Variants in TGFBR2 observed in about 807,000 individuals in gnomAD.
TGFBR2 encodes the protein transforming growth factor beta receptor 2.
In TGFBR2, 18 loss-of-function variants were observed where a neutral mutation model predicts 49.0. The observed-to-expected ratio is 0.37, with a 90% CI of 0.25 to 0.54. The LOEUF (loss-of-function observed/expected upper bound fraction) is 0.54, where lower values mean the gene tolerates loss of function less well. TGFBR2 is among the 20% of genes least tolerant of loss of function. TGFBR2 has a pLI of 0.85. For synonymous variants in TGFBR2, 282 were observed against 275.9 expected (o/e 1.02, Z -0.22); for missense variants, 525 against 722.6 (o/e 0.73, Z 3.13).
At chr3:30,607,632 G>A (rs1697947011) in intron 1 of TGFBR2, among the ~76,000 whole-genome samples, 1 of 151,954 alleles carries the variant, frequency 6.6e-6, no homozygotes, top group Non-Finnish European at 1.5e-5. Flanking sequence ...TGCCTACTGG[G>A]TGCTAGAGGC....
intron 3 of TGFBR2, among the ~76,000 whole-genome samples, chr3:30,654,832 A>G (rs1422760465): frequency 1.3e-5 from 2 of 152,228 alleles, no homozygotes; most frequent in East Asian, 3.8e-4. Flanking sequence ...CTGAACCTGT[A>G]AGAATCAAAC....
chr3:30,687,262 G>A (rs1016967663), intron 5 of TGFBR2, among the ~76,000 whole-genome samples: 9 of 152,006 alleles, frequency 5.9e-5, no homozygotes, highest in African/African-American at 1.9e-4. Context: ...GAAAATTATC[G>A]TTTTAAAATT....
chr3:30,614,476 A>G (rs1026200492), intron 1 of TGFBR2, among the ~76,000 whole-genome samples: 42 of 152,154 alleles, frequency 2.8e-4, no homozygotes, highest in African/African-American at 7.5e-4. Context: ...TTCATTTCCT[A>G]TGGGGCGATA....
intron 3 of TGFBR2, among the ~76,000 whole-genome samples, chr3:30,669,739 G>A (rs535875992): frequency 7.2e-5 from 11 of 152,294 alleles, no homozygotes; most frequent in Middle Eastern, 3.4e-3. Flanking sequence ...GCATTCACCC[G>A]TGCAAGCTCC....
At chr3:30,659,429 C>T (rs778495859) in intron 3 of TGFBR2, among the ~76,000 whole-genome samples, 15 of 151,880 alleles carry the variant, frequency 9.9e-5, no homozygotes, top group Non-Finnish European at 1.8e-4. Context: ...TATGTCTGGC[C>T]AAGGAAATAA....
intron 1 of TGFBR2, among the ~76,000 whole-genome samples, chr3:30,628,787 A>T (rs922268292): frequency 6.6e-6 from 1 of 152,096 alleles, no homozygotes; most frequent in Non-Finnish European, 1.5e-5. Flanking sequence ...TTGCAAACCT[A>T]GTTGGGTCCA....
At chr3:30,647,734 T>A (rs1300081488) in intron 2 of TGFBR2, among the ~76,000 whole-genome samples, 1 of 152,116 alleles carries the variant, frequency 6.6e-6, no homozygotes, top group Non-Finnish European at 1.5e-5. Context: ...TGGAGTGCAA[T>A]GGCGTGATCT....
intron 1 of TGFBR2, among the ~76,000 whole-genome samples, chr3:30,629,478 C>T (rs1299836365): frequency 6.6e-6 from 1 of 152,220 alleles, no homozygotes; most frequent in Non-Finnish European, 1.5e-5. Flanking sequence ...GCTTAAAACT[C>T]TTCACCAACT....
chr3:30,642,302 G>A (rs1374630311), intron 1 of TGFBR2, among the ~76,000 whole-genome samples: 1 of 151,892 alleles, frequency 6.6e-6, no homozygotes, highest in South Asian at 2.1e-4. Context: ...GTTTGTGGTG[G>A]TGGGGTGGGA....
intron 5 of TGFBR2, among the ~76,000 whole-genome samples, chr3:30,686,903 G>GATTC (rs994294185): frequency 1.2e-4 from 18 of 152,100 alleles, no homozygotes; most frequent in African/African-American, 2.2e-4. Context: ...GAGAATCTAA[G>GATTC]ATTCATTCAT....
chr3:30,652,406 T>C (rs751684078), intron 3 of TGFBR2, among the ~76,000 whole-genome samples: 25 of 152,100 alleles, frequency 1.6e-4, no homozygotes, highest in Admixed American at 7.9e-4. Context: ...AGCTAATCTT[T>C]GTATTTTTAG....
At chr3:30,673,122 G>A (rs948778810) in intron 4 of TGFBR2, among the ~76,000 whole-genome samples, 5 of 152,180 alleles carry the variant, frequency 3.3e-5, no homozygotes, top group Non-Finnish European at 7.3e-5. Flanking sequence ...CAGGTGGCAG[G>A]ACACACTTTG....
At chr3:30,660,676 A>G (rs1470114158) in intron 3 of TGFBR2, among the ~76,000 whole-genome samples, 5 of 152,236 alleles carry the variant, frequency 3.3e-5, no homozygotes, top group Admixed American at 2.6e-4. Context: ...AGACACTTTA[A>G]GAGGGGATAT....
chr3:30,679,449 G>A (rs147024752), intron 5 of TGFBR2, among the ~76,000 whole-genome samples: 2 of 152,314 alleles, frequency 1.3e-5, no homozygotes, highest in Non-Finnish European at 2.9e-5. Context: ...TGATAATAGA[G>A]CTCTTCAAAA....
At chr3:30,661,252 G>GA (rs567354679) in intron 3 of TGFBR2, among the ~76,000 whole-genome samples, 266 of 151,762 alleles carry the variant, frequency 1.8e-3, no homozygotes, top group African/African-American at 5.0e-3. Context: ...AAAAGAAAAT[G>GA]AAAAAAAATC....
chr3:30,673,999 T>C, intron 4 of TGFBR2, 106 bp from the exon 5 acceptor site: 1 of 1,384,230 alleles, frequency 7.2e-7, no homozygotes, highest in Non-Finnish European at 1.0e-6. Context: ...CTTTGATTTT[T>C]TAAAAAAATC....
chr3:30,678,344 G>A (rs1394897101), intron 5 of TGFBR2, among the ~76,000 whole-genome samples: 2 of 152,002 alleles, frequency 1.3e-5, no homozygotes, highest in Non-Finnish European at 2.9e-5. Context: ...TCAGGAGATC[G>A]AGACCATCCT....
chr3:30,657,408 G>C (rs76180082), intron 3 of TGFBR2, among the ~76,000 whole-genome samples: 1 of 152,154 alleles, frequency 6.6e-6, no homozygotes, highest in Non-Finnish European at 1.5e-5. Flanking sequence ...ATGCTCATCT[G>C]TTGGGAAGAC....
At chr3:30,661,167 T>C (rs557527782) in intron 3 of TGFBR2, among the ~76,000 whole-genome samples, 1 of 152,248 alleles carries the variant, frequency 6.6e-6, no homozygotes, top group Non-Finnish European at 1.5e-5. Flanking sequence ...AGAAAAAGAA[T>C]TAAAGAATCA....
Sources: allele counts gnomAD v4.1 joint callset (sites outside exome capture counted in the v4.1 genomes callset), GRCh38; gene constraint gnomAD v4.1.1; transcripts MANE v1.5; gene names NCBI Gene and HGNC (gene_info 2026-07-23, HGNC 2026-07-21).